Variants in LOC400499 observed in about 807,000 individuals in gnomAD.
At chr16:11,445,619 C>G in the LOC400499 span, among the ~76,000 whole-genome samples, 2 of 152,062 alleles carry the variant, frequency 1.3e-5, no homozygotes. Context: ...AGGAAAGAGC[C>G]AGGCGAGGAA....
At chr16:11,442,241 G>C in the LOC400499 span, 1 of 152,140 alleles carries the variant, frequency 6.6e-6, no homozygotes, top group South Asian at 2.1e-4. Context: ...TTTTATTTTA[G>C]AGACAGCCTC....
the LOC400499 span, among the ~76,000 whole-genome samples, chr16:11,405,126 G>C: frequency 1.3e-5 from 2 of 152,204 alleles, no homozygotes; most frequent in Non-Finnish European, 2.9e-5. Context: ...CCATGGCCAA[G>C]CTGTGTGGCT....
chr16:11,385,801 G>A, the LOC400499 span, among the ~76,000 whole-genome samples: 1 of 152,196 alleles, frequency 6.6e-6, no homozygotes. Context: ...TTGGGGTGAT[G>A]AAAATGTTTT....
chr16:11,438,786 C>T, the LOC400499 span, among the ~76,000 whole-genome samples: 1 of 151,658 alleles, frequency 6.6e-6, no homozygotes, highest in South Asian at 2.1e-4. Context: ...GAGATCCTGT[C>T]TCAAAAGAAA....
the LOC400499 span, among the ~76,000 whole-genome samples, chr16:11,407,643 G>T: frequency 1.3e-5 from 2 of 152,180 alleles, no homozygotes; most frequent in African/African-American, 4.8e-5. Context: ...TAGTACTGTT[G>T]CAGACAGCAG....
chr16:11,484,796 C>T, the LOC400499 span: 2 of 392,606 alleles, frequency 5.1e-6, no homozygotes, highest in Non-Finnish European at 8.9e-6. Flanking sequence ...TCACGGACAC[C>T]CAAGTCTCAG....
At chr16:11,433,284 G>A in the LOC400499 span, among the ~76,000 whole-genome samples, 95 of 152,334 alleles carry the variant, frequency 6.2e-4, no homozygotes, top group African/African-American at 2.2e-3. Context: ...AGGATGGGCA[G>A]TTGGACAGGT....
At chr16:11,492,409 C>A in the LOC400499 span, among the ~76,000 whole-genome samples, 1 of 152,028 alleles carries the variant, frequency 6.6e-6, no homozygotes, top group Non-Finnish European at 1.5e-5. Context: ...ATAAACAAGA[C>A]CAACTCAGCC....
chr16:11,424,434 C>T, the LOC400499 span: 2 of 398,858 alleles, frequency 5.0e-6, no homozygotes, highest in Admixed American at 4.4e-5. Flanking sequence ...GGGAACATGA[C>T]GGGGGCCTGG....
At chr16:11,514,868 C>A in the LOC400499 span, among the ~76,000 whole-genome samples, 15 of 152,192 alleles carry the variant, frequency 9.9e-5, no homozygotes, top group African/African-American at 3.6e-4. Context: ...CAGAGGCCCA[C>A]CTCCACCTCT....
chr16:11,389,187 G>A, the LOC400499 span, among the ~76,000 whole-genome samples: 1 of 152,186 alleles, frequency 6.6e-6, no homozygotes, highest in Non-Finnish European at 1.5e-5. Context: ...GGCTCTTGCT[G>A]AAACTCTACC....
chr16:11,498,220 C>T, the LOC400499 span, among the ~76,000 whole-genome samples: 1 of 152,214 alleles, frequency 6.6e-6, no homozygotes, highest in Non-Finnish European at 1.5e-5. Flanking sequence ...GTGACTCATG[C>T]CTGTAATCCC....
chr16:11,443,330 C>CAAAAAAAAAAAA, the LOC400499 span: 1 of 257,982 alleles, frequency 3.9e-6, no homozygotes, highest in South Asian at 2.2e-5. Context: ...TCCTCAGTCT[C>CAAAAAAAAAAAA]AAAAAAAAAA....
the LOC400499 span, among the ~76,000 whole-genome samples, chr16:11,380,425 C>G: frequency 6.6e-6 from 1 of 151,992 alleles, no homozygotes; most frequent in Non-Finnish European, 1.5e-5. Flanking sequence ...ACTAAAAATA[C>G]AAAAATTCGC....
At chr16:11,396,731 C>A in the LOC400499 span, 3 of 1,209,034 alleles carry the variant, frequency 2.5e-6, no homozygotes, top group East Asian at 9.5e-5. Context: ...CTTCCTCTCT[C>A]CCCAGTCCCC....
At chr16:11,420,249 G>T in the LOC400499 span, among the ~76,000 whole-genome samples, 2 of 151,748 alleles carry the variant, frequency 1.3e-5, no homozygotes, top group African/African-American at 2.4e-5. Context: ...ATACACCATG[G>T]AATACTATGC....
At chr16:11,468,302 T>C in the LOC400499 span, among the ~76,000 whole-genome samples, 1 of 152,188 alleles carries the variant, frequency 6.6e-6, no homozygotes, top group Non-Finnish European at 1.5e-5. Context: ...TGCTTTAACT[T>C]ACAAGTTATA....
chr16:11,379,829 G>C, the LOC400499 span, among the ~76,000 whole-genome samples: 2 of 152,184 alleles, frequency 1.3e-5, no homozygotes, highest in African/African-American at 4.8e-5. Flanking sequence ...TAGATATGTT[G>C]TCATTACCAT....
chr16:11,445,473 G>C, the LOC400499 span, among the ~76,000 whole-genome samples: 2 of 152,142 alleles, frequency 1.3e-5, no homozygotes, highest in African/African-American at 4.8e-5. Flanking sequence ...GTAAGCACGG[G>C]TCTGTGTGAG....
Sources: gnomAD v4.1 joint callset for allele counts (sites outside exome capture counted in the v4.1 genomes callset) on GRCh38, gnomAD v4.1.1 for gene constraint, MANE v1.5 for transcripts.